Variants in ATG4B observed in about 807,000 individuals in gnomAD.
The protein encoded by ATG4B is autophagy related 4B cysteine peptidase.
Under a neutral mutation model 56.6 loss-of-function variants are expected in ATG4B, and 29 were observed. The ratio of observed to expected loss-of-function variants is 0.51; its 90% confidence interval spans 0.38 to 0.70. The LOEUF (loss-of-function observed/expected upper bound fraction) is 0.70. Ranked by LOEUF, ATG4B falls within the 30% of genes least tolerant of loss-of-function variation. The probability of loss-of-function intolerance (pLI) is 0.00; values close to 1 mark genes in which losing one functional copy is unlikely to be tolerated. For synonymous variants in ATG4B, 224 were observed against 206.1 expected, an observed-to-expected ratio of 1.09 and a Z score of -0.74; for missense variants, 461 against 515.5, an observed-to-expected ratio of 0.89 and a Z score of 1.02.
In ATG4B at chr2:241,642,365, A is replaced by G. The variant is rs566815252; in HGVS notation, c.10+4641A>G. Among the ~76,000 whole-genome samples, 7 of 152,274 alleles carry G rather than the reference A, an allele frequency of 4.6e-5. No homozygotes were observed. In the East Asian group the frequency reaches 7.7e-4, roughly 17 times the overall value. On this transcript the variant is annotated intron_variant, in intron 1 of 12. Coordinates refer to ENST00000404914, the MANE Select transcript of ATG4B (RefSeq NM_013325.5). ...TGTTTTCATTCAGGACTGAACTACT[A>G]GCATTCTCATGTAAACTCTTGGAGA... is the stretch of plus-strand genomic sequence containing the variant.
chr2:241,653,346 C>CT, intron 3 of ATG4B, 166 bp from the exon 4 acceptor site: 2 of 1,549,928 alleles, frequency 1.3e-6, no homozygotes, highest in Non-Finnish European at 1.7e-6. Flanking sequence ...AAATGTGGCC[C>CT]TTGGCGTTAC....
rs146192847 is a variant in ATG4B at position 241,653,313 on chromosome 2, G to T, written c.185-199G>T. ...GTGTTTTGCCCATTTTGAGGAGGTTGTCGGGACATTTCACTCTCCAGTAAA... is the reference window on the plus strand; with the variant it reads ...GTGTTTTGCCCATTTTGAGGAGGTTTTCGGGACATTTCACTCTCCAGTAAA... On this transcript the variant is annotated intron_variant, in intron 3 of 12. Transcript: ENST00000404914. 1.2e-3 allele frequency: 1,825 copies of T among 1,548,094 alleles called. 2 individuals carry two copies. Among genetic ancestry groups the T allele is most frequent in the Admixed American group, 2.2e-3 (112 of 50,946 alleles).
chr2:241,650,964 A>T, intron 1 of ATG4B, 46 bp from the exon 2 acceptor site: 1 of 1,504,758 alleles, frequency 6.6e-7, no homozygotes, highest in South Asian at 1.2e-5. Flanking sequence ...ATACTAGTTT[A>T]TGAAATTATA....
At chr2:241,656,845 G>A (rs976096559) in intron 6 of ATG4B, among the ~76,000 whole-genome samples, 26 of 152,368 alleles carry the variant, frequency 1.7e-4, no homozygotes, top group African/African-American at 5.0e-4. Flanking sequence ...ACGGAGTCTC[G>A]CTCTGTCGCC....
chr2:241,659,142 G>A lies in ATG4B; in HGVS notation c.493G>A (p.Ala165Thr), dbSNP rs781733541. Residue 165 changes from alanine to threonine, a missense_variant, in exon 7 of 13, where the codon GCG (alanine) becomes ACG (threonine). Transcript: ENST00000404914. ...TGTCTTCGATACGTGGAGCTCCTTG[G>A]CGGTCCACATTGCAATGGACAACAC... ...LAVFDTWSSL[A>T]VHIAMDNTVV... 2 of 1,612,890 alleles carry A rather than the reference G, an allele frequency of 1.2e-6. No homozygotes were observed. Among genetic ancestry groups the A allele is most frequent in the African/African-American group, 2.7e-5 (2 of 74,920 alleles).
intron 7 of ATG4B, 124 bp downstream of exon 7, chr2:241,659,311 C>A: frequency 1.2e-6 from 1 of 840,388 alleles, no homozygotes; most frequent in Non-Finnish European, 2.0e-6. Flanking sequence ...CGTGCAGGTG[C>A]TCCGTGGGGC....
intron 5 of ATG4B, chr2:241,655,007 G>A (rs866018404): frequency 1.0e-5 from 6 of 577,310 alleles, no homozygotes; most frequent in Middle Eastern, 4.5e-4. Context: ...AAGCAAGGCC[G>A]GCTTTTGAGC....
chr2:241,655,217 G>C (rs2068359510), intron 5 of ATG4B, 54 bp from the exon 6 acceptor site: 1 of 1,559,168 alleles, frequency 6.4e-7, no homozygotes, highest in African/African-American at 1.4e-5. Context: ...CGTGCCACCA[G>C]AGGTCAGGGC....
At chr2:241,643,678 G>GTGTGTGTGTGTA (rs1409852740) in intron 1 of ATG4B, among the ~76,000 whole-genome samples, 17 of 134,066 alleles carry the variant, frequency 1.3e-4, no homozygotes, top group African/African-American at 4.0e-4. Flanking sequence ...GTGTGTGTGT[G>GTGTGTGTGTGTA]TGTATGTATA....
intron 12 of ATG4B, 51 bp downstream of exon 12, chr2:241,671,456 C>G (rs1452233665): frequency 6.2e-7 from 1 of 1,600,096 alleles, no homozygotes; most frequent in African/African-American, 1.3e-5. Flanking sequence ...GATCTGTGCC[C>G]TTGCTTCCCC....
intron 7 of ATG4B, among the ~76,000 whole-genome samples, chr2:241,661,428 G>A (rs932539686): frequency 2.6e-5 from 4 of 152,152 alleles, no homozygotes; most frequent in African/African-American, 4.8e-5. Context: ...AGGGAGTAGT[G>A]GGGGGAGGGC....
chr2:241,664,738 C>T (rs2068707462), intron 7 of ATG4B, among the ~76,000 whole-genome samples: 1 of 151,918 alleles, frequency 6.6e-6, no homozygotes, highest in African/African-American at 2.4e-5. Flanking sequence ...CTGAGGTGAG[C>T]AGATCACTTG....
intron 12 of ATG4B, 143 bp from the exon 13 acceptor site, chr2:241,672,048 G>A (rs373033318): frequency 6.7e-5 from 97 of 1,448,202 alleles, no homozygotes; most frequent in Non-Finnish European, 8.1e-5. Context: ...CACAACCCCC[G>A]GACCTGTTCA....
At position 241,673,269 on chromosome 2, in the gene ATG4B, C is replaced by T. The variant is rs753239974; in HGVS notation, c.*1005C>T. ...GGTGGCATTTCCAGAACCTCAGCCC[C>T]GATTCCAGCACCCACCACCGCCTGA... On this transcript the variant is annotated 3_prime_UTR_variant, in exon 13 of 13. Coordinates refer to ENST00000404914, the MANE Select transcript of ATG4B (RefSeq NM_013325.5). 1.5e-5 allele frequency: 5 copies of T among 328,200 alleles called. No homozygotes were observed. Among genetic ancestry groups the T allele is most frequent in the Non-Finnish European group, 3.0e-5 (5 of 164,136 alleles). The allele number at this position is 328,200 out of a possible 1,614,324, so 20.3% of individuals were successfully genotyped here.
chr2:241,650,952 C>A, intron 1 of ATG4B, 58 bp from the exon 2 acceptor site: 2 of 1,421,718 alleles, frequency 1.4e-6, no homozygotes, highest in Non-Finnish European at 2.0e-6. Context: ...TGGCCTCTTT[C>A]GATACTAGTT....
chr2:241,665,340 C>T (rs1463570242), intron 7 of ATG4B, among the ~76,000 whole-genome samples: 1 of 152,164 alleles, frequency 6.6e-6, no homozygotes, highest in Non-Finnish European at 1.5e-5. Flanking sequence ...AGAGGTGACG[C>T]CACGACTCAC....
intron 11 of ATG4B, 22 bp from the exon 12 acceptor site, chr2:241,671,290 A>G: frequency 6.2e-7 from 1 of 1,601,988 alleles, no homozygotes; most frequent in Non-Finnish European, 8.5e-7. Flanking sequence ...GGCTGCACCT[A>G]ACGGCCATGT....
In ATG4B at chr2:241,651,240, T is replaced by G; in HGVS notation, c.113-24T>G. The G allele has an allele frequency of 6.3e-7, 1 of 1,584,522 alleles. No individual in the cohort carries two copies. Among genetic ancestry groups the G allele is most frequent in the Non-Finnish European group, 8.6e-7 (1 of 1,164,562 alleles). On this transcript the variant is annotated intron_variant, in intron 2 of 12. Transcript: ENST00000404914. This position sits in a 1 kb window ranked among gnomAD's most constrained non-coding sequence, Gnocchi z 4.1. The stretch of plus-strand genomic sequence containing the variant: ...ACTTAAGGCGTTGTGTGTGTGTGTT[T>G]TTTTTCTTTTAAACAACCTCTAGAA...
At chr2:241,660,205 A>G (rs762082833) in intron 7 of ATG4B, among the ~76,000 whole-genome samples, 70 of 152,172 alleles carry the variant, frequency 4.6e-4, no homozygotes, top group Non-Finnish European at 8.2e-4. Flanking sequence ...CCCAAAAAAA[A>G]GACCTCATTC....
Sources: gnomAD v4.1 joint callset for allele counts (sites outside exome capture counted in the v4.1 genomes callset) on GRCh38, gnomAD v4.1.1 for gene constraint, Gnocchi (gnomAD v3.1) non-coding constraint, MANE v1.5 for transcripts, NCBI Gene and HGNC (gene_info 2026-07-23, HGNC 2026-07-21) for gene names.